OTOGL: variants seen among roughly 807,000 people sequenced by gnomAD.
The protein encoded by OTOGL is otogelin like, also known as otogelin-like protein.
In OTOGL, 285 loss-of-function variants were observed where a neutral mutation model predicts 318.5. That is an observed-to-expected ratio of 0.89 (90% CI 0.81 to 0.99). The LOEUF (loss-of-function observed/expected upper bound fraction) is 0.99. Ranked by LOEUF, OTOGL falls within the 50% of genes least tolerant of loss-of-function variation. The pLI is 0.00. For missense variants in OTOGL, 2,899 were observed against 2,845.6 expected (o/e 1.02, Z -0.43); for synonymous variants, 987 against 936.5 (o/e 1.05, Z -0.99).
At chr12:80,316,223 T>C (rs1886962873) in intron 32 of OTOGL, among the ~76,000 whole-genome samples, 1 of 152,114 alleles carries the variant, frequency 6.6e-6, no homozygotes, top group African/African-American at 2.4e-5. Context: ...TACATCCTAG[T>C]GTAGGGATGA....
chr12:80,143,265 A>G (rs73356928), intron 1 of OTOGL, among the ~76,000 whole-genome samples: 4,339 of 152,268 alleles, frequency 0.028, 206 homozygotes, highest in African/African-American at 0.098. Context: ...CACCCTGTTA[A>G]CTTTCTGAAG....
At chr12:80,220,001 G>A in intron 6 of OTOGL, 89 bp downstream of exon 6, 1 of 940,636 alleles carries the variant, frequency 1.1e-6, no homozygotes, top group Non-Finnish European at 1.6e-6. Context: ...CATCCATTGG[G>A]AGTTGTATAT....
At chr12:80,363,052 A>G (rs1174897445) in intron 52 of OTOGL, among the ~76,000 whole-genome samples, 1 of 152,176 alleles carries the variant, frequency 6.6e-6, no homozygotes, top group Non-Finnish European at 1.5e-5. Context: ...CCTAGGCTCA[A>G]GTGATCCTCC....
intron 1 of OTOGL, among the ~76,000 whole-genome samples, chr12:80,203,947 T>C (rs1428783540): frequency 6.6e-6 from 1 of 152,202 alleles, no homozygotes; most frequent in East Asian, 1.9e-4. Context: ...GAATCACCTC[T>C]GCATTCTCAG....
chr12:80,189,111 C>T (rs372557684), intron 1 of OTOGL, among the ~76,000 whole-genome samples: 1 of 152,064 alleles, frequency 6.6e-6, no homozygotes, highest in Non-Finnish European at 1.5e-5. Flanking sequence ...AACAGTGCAT[C>T]CTTTAAGGCT....
chr12:80,146,445 C>T (rs1454733970), intron 1 of OTOGL, among the ~76,000 whole-genome samples: 1 of 151,486 alleles, frequency 6.6e-6, no homozygotes, highest in Non-Finnish European at 1.5e-5. Flanking sequence ...TGATGTGCTG[C>T]TGGATTCGTT....
At chr12:80,302,283 A>G (rs1009978133) in intron 27 of OTOGL, among the ~76,000 whole-genome samples, 15 of 152,190 alleles carry the variant, frequency 9.9e-5, no homozygotes, top group Non-Finnish European at 1.5e-5. Context: ...TAGTTCTGTC[A>G]TATTTATTCA....
intron 1 of OTOGL, among the ~76,000 whole-genome samples, chr12:80,119,464 T>C (rs1338990776): frequency 6.6e-6 from 1 of 152,198 alleles, no homozygotes; most frequent in East Asian, 1.9e-4. Context: ...ATAATAGAGA[T>C]TGTATATAAT....
rs1037582921 is a variant in OTOGL at position 80,355,966 on chromosome 12, T to G, written c.5806+18T>G. 1.9e-6 allele frequency: 3 copies of G among 1,602,960 alleles called. No homozygotes were observed. Among genetic ancestry groups the G allele is most frequent in the Non-Finnish European group, 2.6e-6 (3 of 1,170,106 alleles). On this transcript the variant is annotated intron_variant, in intron 47 of 58. Transcript: ENST00000547103. Reference sequence around the variant, plus strand: ...AGTTTGTGGTATGTATGCAGAAGCCTTATAGTCAATTGATTCCACAAAATA... The same window carrying G: ...AGTTTGTGGTATGTATGCAGAAGCCGTATAGTCAATTGATTCCACAAAATA...
intron 44 of OTOGL, among the ~76,000 whole-genome samples, chr12:80,342,681 C>G (rs1439971159): frequency 1.3e-5 from 2 of 152,066 alleles, no homozygotes; most frequent in Admixed American, 6.5e-5. Flanking sequence ...ATTTCATGAT[C>G]ACTTAACTAT....
intron 37 of OTOGL, among the ~76,000 whole-genome samples, chr12:80,332,082 G>A (rs1888109421): frequency 6.6e-6 from 1 of 152,118 alleles, no homozygotes; most frequent in South Asian, 2.1e-4. Flanking sequence ...GCCTCCAGAA[G>A]GAATGCAGTC....
intron 1 of OTOGL, among the ~76,000 whole-genome samples, chr12:80,158,010 A>G (rs1873241762): frequency 6.6e-6 from 1 of 152,126 alleles, no homozygotes; most frequent in African/African-American, 2.4e-5. Context: ...TTCTTCTTAT[A>G]TGGTGGGTTT....
intron 26 of OTOGL, among the ~76,000 whole-genome samples, chr12:80,293,347 A>G (rs1885172672): frequency 6.6e-6 from 1 of 152,204 alleles, no homozygotes. Flanking sequence ...AATACATCCA[A>G]TTTTAATTAG....
chr12:80,272,574 T>C (rs1284398128), intron 24 of OTOGL, among the ~76,000 whole-genome samples: 2 of 151,990 alleles, frequency 1.3e-5, no homozygotes, highest in Non-Finnish European at 2.9e-5. Flanking sequence ...GGTAATGAAA[T>C]AGAGGCTGTG....
At position 80,182,827 on chromosome 12, in the gene OTOGL, T is replaced by C. The variant is rs115963107; in HGVS notation, c.-19-26586T>C. ...GCTGAAGCAGATATGTAGATGTTTG[T>C]ACTTTATTGAAGGAAAACCACAATA... On this transcript the variant is annotated intron_variant, in intron 1 of 58. Transcript: ENST00000547103. 2.5e-3 allele frequency among the ~76,000 whole-genome samples: 383 copies of C among 152,352 alleles called. 4 individuals carry two copies. Among genetic ancestry groups the C allele is most frequent in the African/African-American group, 8.8e-3 (366 of 41,588 alleles).
chr12:80,375,763 T>C lies in OTOGL; in HGVS notation c.6782-1360T>C, dbSNP rs527636354. Among the ~76,000 whole-genome samples the C allele has an allele frequency of 2.0e-5, 3 of 152,278 alleles. No homozygotes were observed. In the South Asian group the frequency reaches 6.2e-4, roughly 32 times the overall value. On this transcript the variant is annotated intron_variant, in intron 57 of 58. Coordinates refer to ENST00000547103, the MANE Select transcript of OTOGL (RefSeq NM_001378609.3). The stretch of plus-strand genomic sequence containing the variant: ...GTCATGGTAAAGATGATTTTTTTCA[T>C]TGACTATTCTTTATTCTTGAACTTA...
At chr12:80,217,784 A>T in intron 5 of OTOGL, 120 bp downstream of exon 5, 1 of 624,656 alleles carries the variant, frequency 1.6e-6, no homozygotes, top group Non-Finnish European at 2.6e-6. Context: ...CCAGGATGGT[A>T]GTAATACTTA....
chr12:80,289,909 T>G (rs570538229), intron 26 of OTOGL, among the ~76,000 whole-genome samples: 1 of 152,246 alleles, frequency 6.6e-6, no homozygotes, highest in Admixed American at 6.5e-5. Context: ...GTGAACGGTT[T>G]TGTCTTGCTG....
In OTOGL at chr12:80,320,511, G is replaced by A. The variant is rs568960027; in HGVS notation, c.3892G>A (p.Glu1298Lys). The A allele has an allele frequency of 1.2e-5, 20 of 1,613,632 alleles. No individual in the cohort carries two copies. The highest frequency in any genetic ancestry group is 7.7e-5 in the South Asian group (7 of 91,068). ...DNDTLSLELWEANSAFHRRAT... is the reference protein window; with the variant it reads ...DNDTLSLELWKANSAFHRRAT... ...TGATACTCTTAGCTTGGAGCTGTGG[G>A]AGGCGAATTCAGCCTTTCATCGGAG... The change falls in exon 34 of 59, where the codon GAG becomes AAG. Residue 1298 changes from glutamate to lysine, a missense_variant. By Grantham distance (56) the Glu-to-Lys change is moderately conservative (BLOSUM62 1). Coordinates refer to ENST00000547103, the MANE Select transcript of OTOGL (RefSeq NM_001378609.3).
Sources: allele counts gnomAD v4.1 joint callset (sites outside exome capture counted in the v4.1 genomes callset), GRCh38; gene constraint gnomAD v4.1.1; transcripts MANE v1.5; gene names NCBI Gene and HGNC (gene_info 2026-07-23, HGNC 2026-07-21).